The following LEKR1 variants were observed in gnomAD, a reference collection of about 807,000 sequenced individuals.
The protein encoded by LEKR1 is leucine, glutamate and lysine rich 1.
In LEKR1, 59 loss-of-function variants were observed where a neutral mutation model predicts 72.4. The ratio of observed to expected loss-of-function variants is 0.82; its 90% CI spans 0.66 to 1.01. The LOEUF (loss-of-function observed/expected upper bound fraction) is 1.01, where lower values mean the gene tolerates loss of function less well. LEKR1 is among the 50% of genes least tolerant of loss of function. The probability of loss-of-function intolerance (pLI) is 0.00; values close to 1 mark genes in which losing one functional copy is unlikely to be tolerated. For missense variants in LEKR1, 728 were observed against 759.2 expected, an observed-to-expected ratio of 0.96 and a Z score of 0.48; for synonymous variants, 257 against 263.2, an observed-to-expected ratio of 0.98 and a Z score of 0.23.
intron 5 of LEKR1, among the ~76,000 whole-genome samples, chr3:156,934,667 C>A (rs549872742): frequency 6.6e-6 from 1 of 151,932 alleles, no homozygotes; most frequent in South Asian, 2.1e-4. Context: ...CATAAAACAA[C>A]CTCAATATAA....
chr3:156,884,008 A>AT (rs1451911821), intron 3 of LEKR1, among the ~76,000 whole-genome samples: 1 of 152,110 alleles, frequency 6.6e-6, no homozygotes, highest in African/African-American at 2.4e-5. Context: ...TTACTGGACT[A>AT]TTTTTTACCA....
At chr3:156,932,812 C>T (rs1017008652) in intron 5 of LEKR1, among the ~76,000 whole-genome samples, 4 of 151,644 alleles carry the variant, frequency 2.6e-5, no homozygotes, top group Admixed American at 1.3e-4. Flanking sequence ...AGGCGGATCC[C>T]GAGGTCAGGA....
intron 7 of LEKR1, among the ~76,000 whole-genome samples, chr3:156,988,905 C>T (rs1263800897): frequency 6.6e-6 from 1 of 152,140 alleles, no homozygotes; most frequent in Non-Finnish European, 1.5e-5. Context: ...GATCTCGGCT[C>T]ATTGCAACCT....
intron 3 of LEKR1, 58 bp from the exon 4 acceptor site, chr3:156,920,517 T>C (rs1724090963): frequency 2.8e-6 from 3 of 1,068,098 alleles, no homozygotes; most frequent in Admixed American, 3.1e-5. Context: ...ATTTAAATGT[T>C]AACTTGAAAA....
intron 6 of LEKR1, among the ~76,000 whole-genome samples, chr3:156,957,710 G>A (rs1239695052): frequency 1.3e-5 from 2 of 152,054 alleles, no homozygotes; most frequent in Non-Finnish European, 1.5e-5. Flanking sequence ...TGCAGTTGTA[G>A]ATAGAATATA....
rs1191135641 is a variant in LEKR1 at position 156,958,521 on chromosome 3, C to T, written c.745+15807C>T. On this transcript the variant is annotated intron_variant, in intron 6 of 12. Transcript: ENST00000356539. The stretch of plus-strand genomic sequence containing the variant: ...GTGCCCCAAGCCTGCCCCTTTGCTC[C>T]CTTCCTACCACCTATTTCCTACTTG... Among the ~76,000 whole-genome samples, 3 of 152,076 alleles carry T rather than the reference C, an allele frequency of 2.0e-5. No individual in the cohort carries two copies. The East Asian group carries it at 5.8e-4, about 29-fold the overall frequency.
chr3:156,854,512 C>T (rs374679697), intron 3 of LEKR1, among the ~76,000 whole-genome samples: 1 of 151,082 alleles, frequency 6.6e-6, no homozygotes, highest in Non-Finnish European at 1.5e-5. Context: ...ACCTTTATTA[C>T]AAATGTATTT....
At chr3:156,992,770 T>A in intron 8 of LEKR1, 40 bp downstream of exon 8, 2 of 421,904 alleles carry the variant, frequency 4.7e-6, no homozygotes, top group Non-Finnish European at 7.1e-6. Flanking sequence ...TTTTAATAAT[T>A]GAACTTAAAA....
intron 2 of LEKR1, among the ~76,000 whole-genome samples, chr3:156,846,778 G>A (rs567601080): frequency 3.9e-5 from 6 of 152,210 alleles, no homozygotes; most frequent in African/African-American, 1.4e-4. Context: ...TCATATGGGT[G>A]GGAGAAGGAG....
In LEKR1 at chr3:157,011,462, A is replaced by C. The variant is rs1443642976; in HGVS notation, c.1159A>C (p.Thr387Pro). ...GAAAAGCATCGAGCAGCTGCAAGAA[A>C]CCCTTAGACAGAAGCTGCTGAGTGA... ...HQKSIEQLQETLRQKLLSDDN... is the reference protein window; with the variant it reads ...HQKSIEQLQEPLRQKLLSDDN... The change falls in exon 10 of 13, where the codon ACC becomes CCC. Residue 387 changes from threonine (T) to proline (P), a missense_variant. Physicochemically the swap from Thr to Pro is conservative, Grantham distance 38. Transcript: ENST00000356539. The C allele has an allele frequency of 1.2e-6, 2 of 1,613,232 alleles. No homozygotes were observed. Among genetic ancestry groups the C allele is most frequent in the East Asian group, 4.5e-5 (2 of 44,848 alleles).
intron 12 of LEKR1, among the ~76,000 whole-genome samples, chr3:157,044,572 T>C (rs1192204588): frequency 6.6e-6 from 1 of 152,170 alleles, no homozygotes; most frequent in African/African-American, 2.4e-5. Flanking sequence ...ATCCCCACAG[T>C]TTTCACCTTG....
At chr3:157,033,766 C>A (rs1462416469) in intron 12 of LEKR1, among the ~76,000 whole-genome samples, 1 of 152,120 alleles carries the variant, frequency 6.6e-6, no homozygotes, top group African/African-American at 2.4e-5. Flanking sequence ...AAGAAGGTAC[C>A]ATCTAGGACT....
intron 2 of LEKR1, among the ~76,000 whole-genome samples, chr3:156,835,613 T>G (rs560754691): frequency 3.7e-4 from 57 of 152,334 alleles, no homozygotes; most frequent in African/African-American, 1.3e-3. Context: ...ATCCATACTT[T>G]CCGGGTCCCC....
intron 12 of LEKR1, among the ~76,000 whole-genome samples, chr3:157,035,637 ACCTGTAATCTCAG>A (rs1025941325): frequency 6.6e-6 from 1 of 152,120 alleles, no homozygotes; most frequent in Non-Finnish European, 1.5e-5. Context: ...AGTGGCTCAC[ACCTGTAATCTCAG>A]CACTTTGGGA....
chr3:156,993,960 TG>T (rs1325316237), intron 9 of LEKR1, among the ~76,000 whole-genome samples: 1 of 152,134 alleles, frequency 6.6e-6, no homozygotes, highest in Non-Finnish European at 1.5e-5. Context: ...AGGGTTTTTT[TG>T]TTTCATTGAT....
intron 6 of LEKR1, among the ~76,000 whole-genome samples, chr3:156,947,458 C>G (rs1420713789): frequency 1.3e-5 from 2 of 151,092 alleles, no homozygotes; most frequent in African/African-American, 4.8e-5. Flanking sequence ...TCCCAATAAA[C>G]CCATCCTAAC....
At chr3:157,026,280 G>C (rs930642354) in intron 11 of LEKR1, among the ~76,000 whole-genome samples, 15 of 152,122 alleles carry the variant, frequency 9.9e-5, no homozygotes, top group Admixed American at 9.2e-4. Flanking sequence ...TGCAGCCCTG[G>C]GTGGTTCAGG....
intron 3 of LEKR1, among the ~76,000 whole-genome samples, chr3:156,883,950 G>T (rs900119628): frequency 8.5e-5 from 13 of 152,070 alleles, no homozygotes; most frequent in Non-Finnish European, 1.3e-4. Flanking sequence ...TTATAAATTT[G>T]GGAGTTCCAG....
chr3:156,878,904 C>G (rs766795385), intron 3 of LEKR1, among the ~76,000 whole-genome samples: 1 of 152,188 alleles, frequency 6.6e-6, no homozygotes, highest in African/African-American at 2.4e-5. Flanking sequence ...GGCTCTCATT[C>G]TCTCTTGTCT....
Sources: gnomAD v4.1 joint callset for allele counts (sites outside exome capture counted in the v4.1 genomes callset) on GRCh38, gnomAD v4.1.1 for gene constraint, MANE v1.5 for transcripts, NCBI Gene and HGNC (gene_info 2026-07-23, HGNC 2026-07-21) for gene names.